TBC1D5: variants seen among roughly 807,000 people sequenced by gnomAD.
TBC1D5 encodes the protein TBC1 domain family member 5, also known as TBC1 domain family, member 5.
TBC1D5 carries 75 observed loss-of-function variants against 100.3 expected under a neutral mutation model. That is an observed-to-expected ratio of 0.75 (90% CI 0.62 to 0.91). TBC1D5 has a LOEUF of 0.91. TBC1D5 is among the 40% of genes least tolerant of loss of function. The pLI, the probability that TBC1D5 is intolerant of heterozygous loss-of-function variation, is 0.00. For synonymous variants in TBC1D5, 323 were observed against 325.6 expected (o/e 0.99, Z 0.09); for missense variants, 910 against 942.4 (o/e 0.97, Z 0.45).
At chr3:17,557,611 C>T (rs917746211) in intron 2 of TBC1D5, among the ~76,000 whole-genome samples, 2 of 152,050 alleles carry the variant, frequency 1.3e-5, no homozygotes, top group African/African-American at 4.8e-5. Context: ...AGTGTAGTGG[C>T]ATAGTCACTG....
chr3:17,333,896 A>G (rs573907447), intron 13 of TBC1D5, among the ~76,000 whole-genome samples: 1 of 150,784 alleles, frequency 6.6e-6, no homozygotes, highest in South Asian at 2.1e-4. Flanking sequence ...AAGCATGAGT[A>G]GGGTTTGGGT....
At chr3:17,532,849 G>A (rs558053407) in intron 2 of TBC1D5, among the ~76,000 whole-genome samples, 2 of 141,426 alleles carry the variant, frequency 1.4e-5, no homozygotes, top group East Asian at 2.3e-4. Context: ...GGTGGAGGGA[G>A]GGGGGAGGGA....
intron 1 of TBC1D5, among the ~76,000 whole-genome samples, chr3:17,664,352 G>A (rs1035883694): frequency 1.3e-5 from 2 of 152,168 alleles, no homozygotes; most frequent in Non-Finnish European, 2.9e-5. Context: ...TTACAGGTGT[G>A]AGCCACCGTG....
At chr3:17,572,808 T>C (rs1260656765) in intron 2 of TBC1D5, among the ~76,000 whole-genome samples, 1 of 152,036 alleles carries the variant, frequency 6.6e-6, no homozygotes, top group Non-Finnish European at 1.5e-5. Context: ...TTTCCTTCCT[T>C]CATCTCTTGG....
chr3:17,568,908 T>A (rs1369967977), intron 2 of TBC1D5, among the ~76,000 whole-genome samples: 1 of 151,770 alleles, frequency 6.6e-6, no homozygotes, highest in Non-Finnish European at 1.5e-5. Context: ...TGAATGTTGA[T>A]GCATTTTAAT....
chr3:17,663,986 C>G (rs538138151), intron 1 of TBC1D5, among the ~76,000 whole-genome samples: 1 of 152,298 alleles, frequency 6.6e-6, no homozygotes, highest in South Asian at 2.1e-4. Flanking sequence ...TCCATTCTTA[C>G]AACAACCCAA....
chr3:17,344,779 T>C (rs1290200559), intron 13 of TBC1D5, among the ~76,000 whole-genome samples: 1 of 152,156 alleles, frequency 6.6e-6, no homozygotes, highest in Non-Finnish European at 1.5e-5. Context: ...TACAACTATC[T>C]GATCTTTGAC....
intron 1 of TBC1D5, among the ~76,000 whole-genome samples, chr3:17,732,393 A>G (rs185635666): frequency 2.2e-4 from 34 of 151,992 alleles, no homozygotes; most frequent in Admixed American, 1.9e-3. Context: ...CACACTATCT[A>G]CTTTGTAACA....
intron 18 of TBC1D5, among the ~76,000 whole-genome samples, chr3:17,198,853 G>A (rs562955107): frequency 6.6e-6 from 1 of 152,176 alleles, no homozygotes; most frequent in African/African-American, 2.4e-5. Flanking sequence ...TGCTCCACTG[G>A]AAAGATTCTG....
At chr3:17,240,660 C>A (rs2076232125) in intron 16 of TBC1D5, among the ~76,000 whole-genome samples, 1 of 152,094 alleles carries the variant, frequency 6.6e-6, no homozygotes, top group African/African-American at 2.4e-5. Flanking sequence ...ATTCCCATTT[C>A]CTGTGAGTGA....
intron 15 of TBC1D5, among the ~76,000 whole-genome samples, chr3:17,290,701 T>C (rs1271149788): frequency 6.6e-6 from 1 of 152,138 alleles, no homozygotes; most frequent in Non-Finnish European, 1.5e-5. Context: ...TCATACAACT[T>C]ACAAATACAT....
chr3:17,713,988 G>T (rs573824818), intron 1 of TBC1D5, among the ~76,000 whole-genome samples: 1 of 152,088 alleles, frequency 6.6e-6, no homozygotes, highest in Non-Finnish European at 1.5e-5. Context: ...CAAGAGAAAG[G>T]CAACTTCAAA....
chr3:17,355,780 A>T (rs2091163177), intron 13 of TBC1D5, among the ~76,000 whole-genome samples: 1 of 152,124 alleles, frequency 6.6e-6, no homozygotes, highest in African/African-American at 2.4e-5. Flanking sequence ...CAAGTAACTA[A>T]CAATTCTAAT....
intron 1 of TBC1D5, among the ~76,000 whole-genome samples, chr3:17,672,186 G>T (rs2068018672): frequency 6.6e-6 from 1 of 152,092 alleles, no homozygotes; most frequent in African/African-American, 2.4e-5. Flanking sequence ...CCAAATACAT[G>T]ATTTTTTGCA....
chr3:17,578,919 T>A (rs2096674366), intron 2 of TBC1D5, among the ~76,000 whole-genome samples: 1 of 152,032 alleles, frequency 6.6e-6, no homozygotes, highest in South Asian at 2.1e-4. Context: ...CCTGAAATAT[T>A]TTGAACAGAA....
chr3:17,612,490 C>A (rs540378842), intron 2 of TBC1D5, among the ~76,000 whole-genome samples: 1 of 151,636 alleles, frequency 6.6e-6, no homozygotes, highest in Non-Finnish European at 1.5e-5. Context: ...ATTAGTCGGG[C>A]ATGGTGGCAT....
chr3:17,381,370 C>G (rs933147143), intron 9 of TBC1D5, among the ~76,000 whole-genome samples: 6 of 151,956 alleles, frequency 3.9e-5, no homozygotes, highest in Non-Finnish European at 8.8e-5. Flanking sequence ...ATAACTTTAT[C>G]CTGATTTGAT....
chr3:17,344,187 C>A (rs971886355), intron 13 of TBC1D5, among the ~76,000 whole-genome samples: 3 of 152,080 alleles, frequency 2.0e-5, no homozygotes, highest in Non-Finnish European at 4.4e-5. Context: ...AGCCCAAAAT[C>A]TCCTTAAGCT....
intron 2 of TBC1D5, among the ~76,000 whole-genome samples, chr3:17,583,717 A>T (rs2096714969): frequency 6.6e-6 from 1 of 152,204 alleles, no homozygotes; most frequent in Non-Finnish European, 1.5e-5. Context: ...ACAGAGCAAG[A>T]CTGTCTCAAA....
Sources: allele counts gnomAD v4.1 joint callset (sites outside exome capture counted in the v4.1 genomes callset), GRCh38; gene constraint gnomAD v4.1.1; transcripts MANE v1.5; gene names NCBI Gene and HGNC (gene_info 2026-07-23, HGNC 2026-07-21).